The following SUN3 variants were observed in gnomAD, a reference collection of about 807,000 sequenced individuals.
SUN3 encodes the protein SUN domain-containing protein 3.
In SUN3, 36 loss-of-function variants were observed where a neutral mutation model predicts 48.2. The ratio of observed to expected loss-of-function variants is 0.75; its 90% confidence interval spans 0.57 to 0.99. The LOEUF (loss-of-function observed/expected upper bound fraction) is 0.99. SUN3 is among the 50% of genes least tolerant of loss of function. The probability of loss-of-function intolerance (pLI) is 0.00; values close to 1 mark genes in which losing one functional copy is unlikely to be tolerated. For missense variants in SUN3, 419 were observed against 433.1 expected, an observed-to-expected ratio of 0.97 and a Z score of 0.29; for synonymous variants, 148 against 147.9, an observed-to-expected ratio of 1.00 and a Z score of 0.00.
Position 47,995,272 on chromosome 7 carries a change from AGTGATGGTGGTGGCG to A in SUN3, c.693+744_693+758del, listed in dbSNP as rs570519313. On this transcript the variant is annotated intron_variant, in intron 7 of 9. Coordinates refer to ENST00000297325, the MANE Select transcript of SUN3 (RefSeq NM_001030019.2). ...TGGCAGTGATGGTGGCTGTGGTGGC[AGTGATGGTGGTGGCG>A]GTGATGGTGATGGACATGGAGGTTG... Among the ~76,000 whole-genome samples the A allele has an allele frequency of 3.0e-3, 446 of 150,348 alleles. 6 individuals are homozygous for A. The highest frequency in any genetic ancestry group is 1.0e-2 in the African/African-American group (408 of 40,854).
intron 8 of SUN3, among the ~76,000 whole-genome samples, chr7:47,989,192 T>G (rs1328967081): frequency 6.6e-6 from 1 of 152,210 alleles, no homozygotes; most frequent in African/African-American, 2.4e-5. Context: ...AGCTGATAGA[T>G]GGAAGACAGA....
At chr7:48,009,875 G>A (rs1462888060) in intron 3 of SUN3, among the ~76,000 whole-genome samples, 5 of 152,086 alleles carry the variant, frequency 3.3e-5, no homozygotes, top group African/African-American at 1.2e-4. Flanking sequence ...TGGAATGGGG[G>A]AATGGCCTAG....
chr7:48,005,370 G>A (rs1179685350), intron 6 of SUN3, among the ~76,000 whole-genome samples: 3 of 152,132 alleles, frequency 2.0e-5, no homozygotes, highest in South Asian at 4.1e-4. Flanking sequence ...TTTCCCTGGC[G>A]TAAATTTGAC....
intron 8 of SUN3, among the ~76,000 whole-genome samples, chr7:47,991,540 C>CAA (rs35531393): frequency 0.87 from 132,420 of 151,948 alleles, 57,932 homozygotes; most frequent in Non-Finnish European, 0.91. Context: ...ATGGGAAGAT[C>CAA]ATAATTGAAG....
upstream of SUN3, among the ~76,000 whole-genome samples, chr7:48,030,311 C>G (rs1420118047): frequency 1.3e-5 from 2 of 152,126 alleles, no homozygotes; most frequent in Admixed American, 1.3e-4. Flanking sequence ...CCTACTAGTC[C>G]AAAATTCGAA....
chr7:48,032,396 T>C (rs1288198928), upstream of SUN3, among the ~76,000 whole-genome samples: 1 of 152,238 alleles, frequency 6.6e-6, no homozygotes, highest in Non-Finnish European at 1.5e-5. Flanking sequence ...CATAGAAGTT[T>C]TGTTTGTTAA....
At chr7:47,999,546 C>T (rs1410430560) in intron 6 of SUN3, among the ~76,000 whole-genome samples, 2 of 150,818 alleles carry the variant, frequency 1.3e-5, no homozygotes, top group Non-Finnish European at 3.0e-5. Context: ...TTTTTTATTT[C>T]TTTTGAAACT....
rs111246594 is a variant in SUN3 at position 48,012,646 on chromosome 7, G to A, written c.289-3571C>T. On this transcript the variant is annotated intron_variant, in intron 3 of 9. Coordinates refer to ENST00000297325, the MANE Select transcript of SUN3 (RefSeq NM_001030019.2). Reference sequence around the variant, plus strand: ...ATAACTAAGCTTGCTGCTTAATATAGCTTTAAGATAGAAACCAATTAAATA... The same window carrying A: ...ATAACTAAGCTTGCTGCTTAATATAACTTTAAGATAGAAACCAATTAAATA... Among the ~76,000 whole-genome samples, 455 of 152,292 alleles carry A rather than the reference G, an allele frequency of 3.0e-3. 7 individuals are homozygous for A. The highest frequency in any genetic ancestry group is 0.01 in the African/African-American group (424 of 41,566).
chr7:47,990,623 G>A (rs750716535), intron 8 of SUN3, among the ~76,000 whole-genome samples: 5 of 151,880 alleles, frequency 3.3e-5, no homozygotes, highest in African/African-American at 4.8e-5. Flanking sequence ...GGTGGGGAGG[G>A]GCAGGCCACC....
At chr7:47,987,551 C>T (rs1418877832) in intron 9 of SUN3, 102 bp from the exon 10 acceptor site, 27 of 979,176 alleles carry the variant, frequency 2.8e-5, no homozygotes, top group African/African-American at 8.6e-5. Context: ...TTTTTTTTTT[C>T]GAGATAGGAT....
At position 48,009,043 on chromosome 7, in the gene SUN3, T is replaced by C; in HGVS notation, c.321A>G (p.Glu107=). The change falls in exon 4 of 10, where the codon GAA becomes GAG. Residue 107 remains glutamate (E), a synonymous_variant. Transcript: ENST00000297325. ...ARLRMPKEQL[E]LLKKESQNLE... is the part of the protein sequence containing the mutation. ...CAAAAGATCGCACTCACTTTAAAAGTTCCAGTTGCTCTTTAGGCATACGAA... is the reference window on the plus strand; with the variant it reads ...CAAAAGATCGCACTCACTTTAAAAGCTCCAGTTGCTCTTTAGGCATACGAA... The C allele has an allele frequency of 3.7e-6, 6 of 1,612,442 alleles. No homozygotes were observed. The highest frequency in any genetic ancestry group is 5.1e-6 in the Non-Finnish European group (6 of 1,179,408).
chr7:48,004,606 G>A (rs1456124704), intron 6 of SUN3, among the ~76,000 whole-genome samples: 1 of 152,234 alleles, frequency 6.6e-6, no homozygotes, highest in Non-Finnish European at 1.5e-5. Context: ...GGGAGCAGGC[G>A]TCTTCTCTGC....
intron 9 of SUN3, 77 bp from the exon 10 acceptor site, chr7:47,987,526 T>C (rs1788934401): frequency 7.5e-7 from 1 of 1,339,642 alleles, no homozygotes; most frequent in African/African-American, 1.5e-5. Flanking sequence ...CTGATATAAT[T>C]TTAAATTATA....
chr7:48,029,595 A>C (rs909767635), upstream of SUN3, among the ~76,000 whole-genome samples: 1 of 152,226 alleles, frequency 6.6e-6, no homozygotes, highest in Non-Finnish European at 1.5e-5. Flanking sequence ...TTCATTATAC[A>C]TACATCACAA....
chr7:47,995,074 AGTG>A (rs1323257366), intron 7 of SUN3, among the ~76,000 whole-genome samples: 2 of 150,314 alleles, frequency 1.3e-5, no homozygotes, highest in African/African-American at 4.9e-5. Context: ...TAGTAATGGT[AGTG>A]GTGGTGATAG....
intron 5 of SUN3, among the ~76,000 whole-genome samples, chr7:48,006,522 G>A (rs974384893): frequency 6.6e-6 from 1 of 152,102 alleles, no homozygotes; most frequent in African/African-American, 2.4e-5. Flanking sequence ...ATTAATATTG[G>A]ATTCTGAAGG....
At chr7:48,003,259 C>G (rs572925188) in intron 6 of SUN3, among the ~76,000 whole-genome samples, 2 of 152,138 alleles carry the variant, frequency 1.3e-5, no homozygotes, top group Non-Finnish European at 2.9e-5. Flanking sequence ...GTTCTCTATT[C>G]TGTTCCATTG....
In SUN3 at chr7:48,028,857, T is replaced by C. The variant is rs57685044; in HGVS notation, c.82A>G (p.Asn28Asp). Residue 28 changes from asparagine (N) to aspartate (D), a missense_variant, in exon 1 of 10, where the codon AAT (asparagine) becomes GAT (aspartate). Coordinates refer to ENST00000297325, the MANE Select transcript of SUN3 (RefSeq NM_001030019.2). ...TTTTCGTCCTCTGATAACAAAGCAT[T>C]GCCACTGGCGCTACCGCTGGCGTCT... ...SEDASGSASG[N>D]ALLSEDENPD... 3 of 1,613,970 alleles carry C rather than the reference T, an allele frequency of 1.9e-6. No individual in the cohort carries two copies. In the South Asian group the frequency reaches 3.3e-5, roughly 18 times the overall value.
chr7:48,011,416 ATT>A (rs957742464), intron 3 of SUN3, among the ~76,000 whole-genome samples: 32 of 152,332 alleles, frequency 2.1e-4, no homozygotes, highest in Admixed American at 2.0e-4. Flanking sequence ...ATAGAAAAAT[ATT>A]GCCTTGCTTT....
Sources: gnomAD v4.1 joint callset for allele counts (sites outside exome capture counted in the v4.1 genomes callset) on GRCh38, gnomAD v4.1.1 for gene constraint, MANE v1.5 for transcripts, NCBI Gene and HGNC (gene_info 2026-07-23, HGNC 2026-07-21) for gene names.